Variants in AGBL4 observed in about 807,000 individuals in gnomAD.
The protein encoded by AGBL4 is cytosolic carboxypeptidase 6.
A neutral mutation model predicts 66.4 loss-of-function variants in AGBL4; 58 were observed. The observed-to-expected ratio is 0.87, with a 90% confidence interval of 0.71 to 1.09. The LOEUF (loss-of-function observed/expected upper bound fraction) is 1.09. AGBL4 is among the 50% of genes least tolerant of loss of function. AGBL4 has a pLI of 0.00. For missense variants in AGBL4, 579 were observed against 631.0 expected, an observed-to-expected ratio of 0.92 and a Z score of 0.88; for synonymous variants, 234 against 222.9, an observed-to-expected ratio of 1.05 and a Z score of -0.44.
At chr1:48,537,135 G>T (rs901485221) in intron 12 of AGBL4, among the ~76,000 whole-genome samples, 1 of 152,180 alleles carries the variant, frequency 6.6e-6, no homozygotes, top group Admixed American at 6.5e-5. Context: ...ATACAAAAAA[G>T]GGGAAGTATT....
At chr1:49,254,413 A>T (rs1206706406) in intron 3 of AGBL4, among the ~76,000 whole-genome samples, 2 of 152,194 alleles carry the variant, frequency 1.3e-5, no homozygotes, top group African/African-American at 2.4e-5. Context: ...TCCCATTTAC[A>T]ATTGCAACAA....
rs552137375 is a variant in AGBL4 at position 48,718,708 on chromosome 1, G to A, written c.635-55467C>T. Among the ~76,000 whole-genome samples, 3 of 152,294 alleles carry A rather than the reference G, an allele frequency of 2.0e-5. No individual in the cohort carries two copies. The South Asian group carries it at 6.2e-4, about 32-fold the overall frequency. ...CCAACCCTGATTTGGGTCATGGGAT[G>A]CTGTCAGGGCCACACCACTTGTGGA... On this transcript the variant is annotated intron_variant, in intron 6 of 13. Coordinates refer to ENST00000371839, the MANE Select transcript of AGBL4 (RefSeq NM_032785.4).
intron 5 of AGBL4, among the ~76,000 whole-genome samples, chr1:49,018,290 C>T (rs1369004324): frequency 6.6e-6 from 1 of 152,120 alleles, no homozygotes; most frequent in East Asian, 1.9e-4. Flanking sequence ...TGAGCCCCCA[C>T]ATCCTTACAT....
At chr1:49,447,963 A>G (rs1006427900) in intron 3 of AGBL4, among the ~76,000 whole-genome samples, 14 of 152,096 alleles carry the variant, frequency 9.2e-5, no homozygotes, top group Non-Finnish European at 1.8e-4. Flanking sequence ...AGGATACTCT[A>G]CTTAGCTCCT....
intron 5 of AGBL4, among the ~76,000 whole-genome samples, chr1:48,890,605 T>C (rs1426812984): frequency 1.3e-5 from 2 of 152,166 alleles, no homozygotes; most frequent in Admixed American, 6.5e-5. Context: ...CAATGTCCAC[T>C]GAAGAGACTG....
intron 2 of AGBL4, among the ~76,000 whole-genome samples, chr1:49,712,059 C>T (rs1647711955): frequency 6.6e-6 from 1 of 151,696 alleles, no homozygotes; most frequent in Non-Finnish European, 1.5e-5. Flanking sequence ...ATATAAATAG[C>T]TAGAAGAGTA....
chr1:49,952,101 T>G (rs1218316807), intron 1 of AGBL4, among the ~76,000 whole-genome samples: 1 of 151,780 alleles, frequency 6.6e-6, no homozygotes, highest in Non-Finnish European at 1.5e-5. Context: ...TGTACAACAT[T>G]GTGAATATAT....
At chr1:48,768,183 G>GATA (rs72515133) in intron 6 of AGBL4, among the ~76,000 whole-genome samples, 3 of 151,644 alleles carry the variant, frequency 2.0e-5, no homozygotes. Context: ...CATGTAACAT[G>GATA]AGTATGTCAA....
Position 49,165,203 on chromosome 1 carries a change from A to G in AGBL4, c.377+80567T>C, listed in dbSNP as rs964586359. On this transcript the variant is annotated intron_variant, in intron 4 of 13. Transcript: ENST00000371839. ...GGGAAGAATTTCTGGAGGGATAATA[A>G]CAAGAGCAAAGGCACGAAGGAAGAA... Among the ~76,000 whole-genome samples, 7 of 152,278 alleles carry G rather than the reference A, an allele frequency of 4.6e-5. No homozygotes were observed. In the East Asian group the frequency reaches 9.6e-4, roughly 21 times the overall value.
At chr1:49,394,823 CAA>C (rs1644921454) in intron 3 of AGBL4, among the ~76,000 whole-genome samples, 1 of 152,122 alleles carries the variant, frequency 6.6e-6, no homozygotes, top group Non-Finnish European at 1.5e-5. Context: ...TTTATATCTG[CAA>C]ACTCTGCTTT....
At position 49,647,997 on chromosome 1, in the gene AGBL4, T is replaced by C. The variant is rs1048318392; in HGVS notation, c.282+49316A>G. Among the ~76,000 whole-genome samples, 9 of 151,966 alleles carry C rather than the reference T, an allele frequency of 5.9e-5. No individual in the cohort carries two copies. In the East Asian group the frequency reaches 9.7e-4, roughly 16 times the overall value. Reference sequence around the variant, plus strand: ...CATCATGTCCAGCTAACTAAAAACATAGTTGAGGAGATAAAGCAAGCATCA... The same window carrying C: ...CATCATGTCCAGCTAACTAAAAACACAGTTGAGGAGATAAAGCAAGCATCA... On this transcript the variant is annotated intron_variant, in intron 3 of 13. Coordinates refer to ENST00000371839, the MANE Select transcript of AGBL4 (RefSeq NM_032785.4).
intron 8 of AGBL4, among the ~76,000 whole-genome samples, chr1:48,643,846 C>G (rs1344765888): frequency 1.3e-5 from 2 of 152,168 alleles, no homozygotes; most frequent in African/African-American, 4.8e-5. Flanking sequence ...CCTGAAGGGT[C>G]TATTCTGGTC....
intron 5 of AGBL4, among the ~76,000 whole-genome samples, chr1:48,967,357 T>A (rs1413064757): frequency 6.6e-6 from 1 of 152,182 alleles, no homozygotes; most frequent in African/African-American, 2.4e-5. Flanking sequence ...TATTCATTCA[T>A]TCTACACTTA....
intron 3 of AGBL4, among the ~76,000 whole-genome samples, chr1:49,377,157 C>T (rs373735886): frequency 1.3e-5 from 2 of 152,028 alleles, no homozygotes; most frequent in Non-Finnish European, 2.9e-5. Context: ...ATCATATGAA[C>T]ACCTACTTTC....
At chr1:49,331,088 C>T (rs1032116248) in intron 3 of AGBL4, among the ~76,000 whole-genome samples, 3 of 151,916 alleles carry the variant, frequency 2.0e-5, no homozygotes, top group African/African-American at 7.2e-5. Context: ...GAACCCACTC[C>T]ACTAGGGTCT....
chr1:49,762,468 A>G lies in AGBL4; in HGVS notation c.158-65031T>C, dbSNP rs549513915. Reference sequence around the variant, plus strand: ...TGCTCTGTCGCCCAGGCTGGAGTGCAGTGCCGCGATCTTGGCTCACTGAAA... The same window carrying G: ...TGCTCTGTCGCCCAGGCTGGAGTGCGGTGCCGCGATCTTGGCTCACTGAAA... On this transcript the variant is annotated intron_variant, in intron 2 of 13. Coordinates refer to ENST00000371839, the MANE Select transcript of AGBL4 (RefSeq NM_032785.4). Among the ~76,000 whole-genome samples the G allele has an allele frequency of 3.4e-5, 5 of 147,636 alleles. No homozygotes were observed. The South Asian group carries it at 1.1e-3, about 31-fold the overall frequency.
chr1:48,926,103 A>G (rs1654535489), intron 5 of AGBL4, among the ~76,000 whole-genome samples: 1 of 152,160 alleles, frequency 6.6e-6, no homozygotes, highest in African/African-American at 2.4e-5. Context: ...TCAAAGAGGG[A>G]GGTTTTAATC....
chr1:49,726,366 A>C (rs1649032929), intron 2 of AGBL4, among the ~76,000 whole-genome samples: 1 of 152,192 alleles, frequency 6.6e-6, no homozygotes, highest in South Asian at 2.1e-4. Flanking sequence ...AGGTCTAAAA[A>C]TTTGGTCTGC....
At chr1:49,839,053 T>C (rs1645924249) in intron 2 of AGBL4, among the ~76,000 whole-genome samples, 1 of 152,208 alleles carries the variant, frequency 6.6e-6, no homozygotes, top group Non-Finnish European at 1.5e-5. Context: ...TCCAAGGCCT[T>C]TAAGTTTAGC....
Sources: allele counts gnomAD v4.1 joint callset (sites outside exome capture counted in the v4.1 genomes callset), GRCh38; gene constraint gnomAD v4.1.1; transcripts MANE v1.5; gene names NCBI Gene and HGNC (gene_info 2026-07-23, HGNC 2026-07-21).